The following SNX2 variants were observed in gnomAD, a reference collection of about 807,000 sequenced individuals.
SNX2 encodes the protein sorting nexin 2, also known as sorting nexin-2.
Under a neutral mutation model 69.9 loss-of-function variants are expected in SNX2, and 25 were observed. That is an observed-to-expected ratio of 0.36 (90% CI 0.26 to 0.50). The LOEUF is 0.50. Among genes scored for constraint, SNX2 ranks in the 20% least tolerant of loss-of-function variants. SNX2 has a pLI of 0.97. For missense variants in SNX2, 551 were observed against 613.3 expected (o/e 0.90, Z 1.07); for synonymous variants, 229 against 200.4 (o/e 1.14, Z -1.20).
chr5:122,801,248 CA>C (rs1753502052), intron 3 of SNX2, among the ~76,000 whole-genome samples: 3 of 151,964 alleles, frequency 2.0e-5, no homozygotes, highest in Admixed American at 2.0e-4. Flanking sequence ...GTATATAGAA[CA>C]AAAAATTCCA....
intron 11 of SNX2, 113 bp from the exon 12 acceptor site, chr5:122,825,937 G>A: frequency 1.1e-6 from 1 of 885,122 alleles, no homozygotes; most frequent in Non-Finnish European, 1.6e-6. Flanking sequence ...TAGTATATTA[G>A]AATAGAACTT....
chr5:122,802,512 G>A (rs1712149316), intron 5 of SNX2, among the ~76,000 whole-genome samples: 1 of 152,184 alleles, frequency 6.6e-6, no homozygotes, highest in Non-Finnish European at 1.5e-5. Context: ...AAGCCTTTGT[G>A]TATTATGAGC....
At chr5:122,780,006 G>A (rs115063982) in intron 1 of SNX2, among the ~76,000 whole-genome samples, 1,909 of 152,300 alleles carry the variant, frequency 0.013, 19 homozygotes, top group Non-Finnish European at 0.019. Flanking sequence ...GAGAACTTAT[G>A]TAATAACAGA....
intron 7 of SNX2, among the ~76,000 whole-genome samples, chr5:122,808,883 TAGTA>T (rs1184159781): frequency 6.6e-6 from 1 of 152,158 alleles, no homozygotes; most frequent in Non-Finnish European, 1.5e-5. Context: ...AGTTTTTACT[TAGTA>T]AGAACATTAT....
chr5:122,794,933 G>A (rs1260073841), intron 1 of SNX2, among the ~76,000 whole-genome samples: 3 of 152,128 alleles, frequency 2.0e-5, no homozygotes, highest in African/African-American at 7.2e-5. Flanking sequence ...TGAGGTGGAA[G>A]GATCATTTGA....
At chr5:122,791,219 G>A (rs1050864672) in intron 1 of SNX2, among the ~76,000 whole-genome samples, 1 of 151,334 alleles carries the variant, frequency 6.6e-6, no homozygotes, top group East Asian at 1.9e-4. Flanking sequence ...TGCCTCCCAG[G>A]TTCAAGCAAT....
chr5:122,815,392 C>G (rs1224462612), intron 7 of SNX2, among the ~76,000 whole-genome samples: 1 of 152,030 alleles, frequency 6.6e-6, no homozygotes, highest in Non-Finnish European at 1.5e-5. Context: ...AGGACTAAAG[C>G]TAATTGTGAT....
chr5:122,775,375 T>C (rs1246448098), intron 1 of SNX2, 164 bp downstream of exon 1: 1 of 1,343,976 alleles, frequency 7.4e-7, no homozygotes, highest in Non-Finnish European at 9.6e-7. Context: ...GGGATGTGCT[T>C]GGGCTGAGCG....
chr5:122,792,076 A>G (rs1393230725), intron 1 of SNX2, among the ~76,000 whole-genome samples: 3 of 152,234 alleles, frequency 2.0e-5, no homozygotes, highest in African/African-American at 7.2e-5. Context: ...CCTTCAAGTG[A>G]AAGTTGCTAA....
At chr5:122,825,643 A>G (rs1352686687) in intron 11 of SNX2, among the ~76,000 whole-genome samples, 1 of 151,964 alleles carries the variant, frequency 6.6e-6, no homozygotes, top group Non-Finnish European at 1.5e-5. Flanking sequence ...TTTCAATTTC[A>G]GACATGTTTC....
chr5:122,776,195 G>A (rs1284186842), intron 1 of SNX2, among the ~76,000 whole-genome samples: 2 of 152,026 alleles, frequency 1.3e-5, no homozygotes, highest in Admixed American at 6.6e-5. Context: ...AGCTTTCTTG[G>A]CTTGTTTAAC....
chr5:122,780,634 A>C (rs560612340), intron 1 of SNX2, among the ~76,000 whole-genome samples: 1 of 150,260 alleles, frequency 6.7e-6, no homozygotes, highest in African/African-American at 2.5e-5. Flanking sequence ...CAGTGGCGCA[A>C]CCTCAGCTCA....
chr5:122,814,906 C>T (rs987231504), intron 7 of SNX2, among the ~76,000 whole-genome samples: 4 of 152,040 alleles, frequency 2.6e-5, no homozygotes, highest in Admixed American at 6.5e-5. Flanking sequence ...CCTGCCACTG[C>T]GCCCGGCTAA....
chr5:122,788,181 T>C (rs1753134824), intron 1 of SNX2, among the ~76,000 whole-genome samples: 1 of 152,252 alleles, frequency 6.6e-6, no homozygotes, highest in Non-Finnish European at 1.5e-5. Context: ...AATAGGTCTT[T>C]CAACACTTTC....
intron 14 of SNX2, chr5:122,828,145 TAAA>T (rs1241312626): frequency 1.3e-5 from 2 of 152,326 alleles, no homozygotes; most frequent in Admixed American, 6.5e-5. Flanking sequence ...GTATATTAAA[TAAA>T]AAGATAATCA....
At position 122,799,778 on chromosome 5, in the gene SNX2, CCTA is replaced by C; in HGVS notation, c.318_320del (p.Thr107del). The C allele has an allele frequency of 6.2e-7, 1 of 1,613,584 alleles. No homozygotes were observed. Among genetic ancestry groups the C allele is most frequent in the Non-Finnish European group, 8.5e-7 (1 of 1,179,586 alleles). ...TTCTCCTGCAGTCACACCTGTCACTCCTACTACACTCATTGCTCCTAGAATTGA... is the reference window on the plus strand; with the variant it reads ...TTCTCCTGCAGTCACACCTGTCACTCCTACACTCATTGCTCCTAGAATTGA... On this transcript the variant is annotated inframe_deletion, in exon 3 of 15. Transcript: ENST00000379516.
intron 1 of SNX2, among the ~76,000 whole-genome samples, chr5:122,780,148 A>G (rs1752939845): frequency 1.3e-5 from 2 of 152,188 alleles, no homozygotes; most frequent in African/African-American, 4.8e-5. Flanking sequence ...GGACTGCTGG[A>G]TGGGCTAGAG....
chr5:122,827,108 T>G (rs1754165590), intron 12 of SNX2, among the ~76,000 whole-genome samples: 2 of 152,132 alleles, frequency 1.3e-5, no homozygotes, highest in South Asian at 4.1e-4. Context: ...CTTAGTTATA[T>G]TTAATTAAGC....
chr5:122,784,524 A>G (rs1173901791), intron 1 of SNX2, among the ~76,000 whole-genome samples: 2 of 149,926 alleles, frequency 1.3e-5, no homozygotes, highest in Non-Finnish European at 3.0e-5. Context: ...CTTTTTTTTT[A>G]AGCCCCACCC....
Sources: allele counts gnomAD v4.1 joint callset (sites outside exome capture counted in the v4.1 genomes callset), GRCh38; gene constraint gnomAD v4.1.1; transcripts MANE v1.5; gene names NCBI Gene and HGNC (gene_info 2026-07-23, HGNC 2026-07-21).